HEATR1: variants seen among roughly 807,000 people sequenced by gnomAD.
The protein encoded by HEATR1 is HEAT repeat-containing protein 1.
HEATR1 carries 77 observed loss-of-function variants against 248.2 expected under a neutral mutation model. The ratio of observed to expected loss-of-function variants is 0.31; its 90% CI spans 0.26 to 0.37. The LOEUF (loss-of-function observed/expected upper bound fraction) is 0.37, where lower values mean the gene tolerates loss of function less well. Ranked by LOEUF, HEATR1 falls within the 10% of genes least tolerant of loss-of-function variation. The pLI, the probability that HEATR1 is intolerant of heterozygous loss-of-function variation, is 1.00. For missense variants in HEATR1, 2,420 were observed against 2,504.9 expected (o/e 0.97, Z 0.72); for synonymous variants, 897 against 923.1 (o/e 0.97, Z 0.51).
Position 236,550,999 on chromosome 1 carries a change from A to AG in HEATR1, c.6347-10_6347-9insC. ...TACTTCTTCACATTCATCTAAAAAA[A>AG]AAAAAAAAAAATCAAAATTAAAATC... is the stretch of plus-strand genomic sequence containing the variant. On this transcript the variant is annotated splice_polypyrimidine_tract_variant and intron_variant, in intron 44 of 44. Transcript: ENST00000366582. 1 of 1,554,900 alleles carries AG rather than the reference A, an allele frequency of 6.4e-7. No homozygotes were observed. The highest frequency in any genetic ancestry group is 8.6e-7 in the Non-Finnish European group (1 of 1,158,834).
chr1:236,594,852 C>T (rs1240513102), intron 8 of HEATR1, among the ~76,000 whole-genome samples: 1 of 152,166 alleles, frequency 6.6e-6, no homozygotes, highest in Non-Finnish European at 1.5e-5. Context: ...GGCTGAACTG[C>T]AGTGGCACAA....
Position 236,582,860 on chromosome 1 carries a change from C to T in HEATR1, c.2438G>A (p.Trp813Ter), listed in dbSNP as rs1437031937. Residue 813 changes from tryptophan to a stop codon, truncating the protein, a stop_gained, in exon 19 of 45, where the codon TGG (tryptophan) becomes TAG (stop). Coordinates refer to ENST00000366582, the MANE Select transcript of HEATR1 (RefSeq NM_018072.6). LOFTEE classifies it high-confidence loss of function. ...GTCTTCTTTCAGTTGTTCAGGATTC[C>T]ACCATATATCACCTACAAGGACATG... ...PKSFPKGDIWWNPEQLKEDSR... is the reference protein window; with the variant it reads ...PKSFPKGDIW 1 of 1,614,114 alleles carries T rather than the reference C, an allele frequency of 6.2e-7. No individual in the cohort carries two copies. The highest frequency in any genetic ancestry group is 1.1e-5 in the South Asian group (1 of 91,088).
At chr1:236,573,793 C>T (rs538523003) in intron 24 of HEATR1, among the ~76,000 whole-genome samples, 11 of 152,108 alleles carry the variant, frequency 7.2e-5, no homozygotes, top group South Asian at 4.1e-4. Flanking sequence ...TTTCAATATA[C>T]GTATAAAACC....
At chr1:236,571,723 A>G (rs762321207) in intron 26 of HEATR1, 37 bp from the exon 27 acceptor site, 1 of 1,457,120 alleles carries the variant, frequency 6.9e-7, no homozygotes, top group Non-Finnish European at 9.6e-7. Flanking sequence ...TGGGAAATGT[A>G]AAAGTTGTAC....
intron 3 of HEATR1, among the ~76,000 whole-genome samples, chr1:236,600,468 C>T (rs1455657848): frequency 4.0e-5 from 6 of 151,824 alleles, no homozygotes; most frequent in African/African-American, 1.5e-4. Flanking sequence ...GATCCCTCTT[C>T]TGTGAAAACT....
chr1:236,603,851 G>A (rs1301465863), intron 2 of HEATR1, 103 bp downstream of exon 2: 8 of 1,248,132 alleles, frequency 6.4e-6, no homozygotes, highest in African/African-American at 1.6e-5. Context: ...AACTGCTAAG[G>A]AAGAGGACGG....
At chr1:236,597,740 C>T in intron 5 of HEATR1, 138 bp downstream of exon 5, 2 of 530,964 alleles carry the variant, frequency 3.8e-6, no homozygotes, top group Non-Finnish European at 6.5e-6. Flanking sequence ...ACTGCTCCTG[C>T]TTCAAAACAC....
intron 13 of HEATR1, 87 bp downstream of exon 13, chr1:236,587,861 A>C: frequency 1.1e-6 from 1 of 907,008 alleles, no homozygotes; most frequent in Non-Finnish European, 1.7e-6. Flanking sequence ...ATTTCCAAAA[A>C]TATTCTAGTC....
chr1:236,596,406 A>G (rs1664178398), intron 6 of HEATR1, among the ~76,000 whole-genome samples: 1 of 152,242 alleles, frequency 6.6e-6, no homozygotes, highest in Non-Finnish European at 1.5e-5. Flanking sequence ...AAGTTGGGAC[A>G]CTGGTGGGAA....
rs145363555 is a variant in HEATR1, at chr1:236,556,141, C to T, written c.5473G>A (p.Ala1825Thr). ...TTLAPRVLLPAIKKTYKQIEK... is the reference protein window; with the variant it reads ...TTLAPRVLLPTIKKTYKQIEK... ...ATCTGCTTGTAAGTTTTTTTGATGG[C>T]GGGCAACAGGACTCGGGGTGCAAGT... The change falls in exon 38 of 45, where the codon GCC (alanine) becomes ACC (threonine). Residue 1825 changes from alanine (A) to threonine (T), a missense_variant. Coordinates refer to ENST00000366582, the MANE Select transcript of HEATR1 (RefSeq NM_018072.6). The T allele has an allele frequency of 1.1e-4, 179 of 1,614,036 alleles. No homozygotes were observed. The South Asian group carries it at 1.8e-3, about 16-fold the overall frequency.
In HEATR1 at chr1:236,583,117, T is replaced by C. The variant is rs763828193; in HGVS notation, c.2321A>G (p.Glu774Gly). The part of the protein sequence containing the change: ...PVELWAHYVE[E>G]LNSTQRVAVE... ...GGCCACCCTCTGAGTGCTGTTGAGC[T>C]CTTCTACATAATGTGCCCACAGCTC... Residue 774 changes from glutamate (E) to glycine (G), a missense_variant, in exon 18 of 45, where the codon GAG becomes GGG. Glu to Gly is a moderately conservative substitution (Grantham distance 98). Coordinates refer to ENST00000366582, the MANE Select transcript of HEATR1 (RefSeq NM_018072.6). 6.2e-6 allele frequency: 10 copies of C among 1,614,064 alleles called. No homozygotes were observed. The highest frequency in any genetic ancestry group is 8.5e-6 in the Non-Finnish European group (10 of 1,179,892).
chr1:236,555,961 G>T (rs1197587030), intron 38 of HEATR1, 22 bp from the exon 39 acceptor site: 2 of 1,612,306 alleles, frequency 1.2e-6, no homozygotes, highest in Non-Finnish European at 1.7e-6. Context: ...ACAGGAAAGA[G>T]ATGTGCCATT....
chr1:236,558,641 T>G, intron 35 of HEATR1, 112 bp from the exon 36 acceptor site: 1 of 1,035,758 alleles, frequency 9.7e-7, no homozygotes, highest in Non-Finnish European at 1.4e-6. Flanking sequence ...TCGGGGGTCC[T>G]GAGTCACACA....
intron 20 of HEATR1, among the ~76,000 whole-genome samples, chr1:236,577,489 CTTTTT>C (rs34171040): frequency 2.1e-5 from 3 of 140,640 alleles, no homozygotes; most frequent in East Asian, 4.2e-4. Context: ...TTACATCATT[CTTTTT>C]TTTTTTTTTT....
At position 236,549,766 on chromosome 1, in the gene HEATR1, T is replaced by C. The variant is rs1662631782; in HGVS notation, c.*1136A>G. 6.6e-6 allele frequency: 1 copy of C among 152,180 alleles called. No homozygotes were observed. The highest frequency in any genetic ancestry group is 2.1e-4 in the South Asian group (1 of 4,826). 9.4% of individuals were successfully genotyped at this position (152,180 alleles called of 1,614,324 possible). A position where few individuals can be genotyped will look rare whatever the true frequency, so the allele number is the denominator to read the frequency against. On this transcript the variant is annotated 3_prime_UTR_variant, in exon 45 of 45. Transcript: ENST00000366582. ...GACTGTGAGGCATTTAGGAAAAAAA[T>C]AGCCCACTCACATCATTCCTTGTAA...
intron 16 of HEATR1, among the ~76,000 whole-genome samples, chr1:236,585,474 A>C (rs1663861458): frequency 6.6e-6 from 1 of 152,174 alleles, no homozygotes. Context: ...TTTATTTAAT[A>C]AGGCAAAGAT....
At chr1:236,602,115 G>A (rs1377290393) in intron 3 of HEATR1, among the ~76,000 whole-genome samples, 1 of 152,068 alleles carries the variant, frequency 6.6e-6, no homozygotes, top group Non-Finnish European at 1.5e-5. Flanking sequence ...CTCCAGCCTG[G>A]GCGACAGTGC....
At chr1:236,603,709 A>G (rs528382874) in intron 2 of HEATR1, among the ~76,000 whole-genome samples, 5 of 150,860 alleles carry the variant, frequency 3.3e-5, no homozygotes, top group Admixed American at 1.3e-4. Context: ...TCTCTTTGAC[A>G]TATTAGTTGA....
chr1:236,591,747 T>G (rs1664043966), intron 11 of HEATR1, among the ~76,000 whole-genome samples: 1 of 152,148 alleles, frequency 6.6e-6, no homozygotes, highest in East Asian at 1.9e-4. Flanking sequence ...CATACAAAAT[T>G]CTCAAACAAT....
Sources: gnomAD v4.1 joint callset for allele counts (sites outside exome capture counted in the v4.1 genomes callset) on GRCh38, gnomAD v4.1.1 for gene constraint, MANE v1.5 for transcripts, NCBI Gene and HGNC (gene_info 2026-07-23, HGNC 2026-07-21) for gene names.